PDZD2: variants seen among roughly 807,000 people sequenced by gnomAD.
PDZD2 encodes PDZ domain containing 2.
In PDZD2, 90 loss-of-function variants were observed where a neutral mutation model predicts 220.7. The ratio of observed to expected loss-of-function variants is 0.41; its 90% CI spans 0.34 to 0.49. The LOEUF is 0.49. PDZD2 is among the 20% of genes least tolerant of loss of function. The pLI, the probability that PDZD2 is intolerant of heterozygous loss-of-function variation, is 0.28. For missense variants in PDZD2, 3,174 were observed against 3,608.5 expected (o/e 0.88, Z 3.08); for synonymous variants, 1,375 against 1,450.5 (o/e 0.95, Z 1.18).
intron 7 of PDZD2, among the ~76,000 whole-genome samples, chr5:32,047,778 A>G (rs1738121527): frequency 6.6e-6 from 1 of 152,238 alleles, no homozygotes; most frequent in Admixed American, 6.5e-5. Context: ...TAGACAACGG[A>G]ATAGCCTACA....
At chr5:31,915,881 G>A (rs937528340) in intron 2 of PDZD2, among the ~76,000 whole-genome samples, 2 of 152,126 alleles carry the variant, frequency 1.3e-5, no homozygotes, top group East Asian at 1.9e-4. Flanking sequence ...GCTTTGTTCC[G>A]AAATCTTTTA....
Position 32,089,867 on chromosome 5 carries a change from C to A in PDZD2, c.6419C>A (p.Ser2140Tyr). 2 of 1,613,194 alleles carry A rather than the reference C, an allele frequency of 1.2e-6. No individual in the cohort carries two copies. Among genetic ancestry groups the A allele is most frequent in the Non-Finnish European group, 1.7e-6 (2 of 1,179,366 alleles). The change falls in exon 20 of 25, where the codon TCC (serine) becomes TAC (tyrosine). Residue 2140 changes from serine (S) to tyrosine (Y), a missense_variant. By Grantham distance (144) the Ser-to-Tyr change is moderately radical. Around this residue, in one of 4 missense-constraint regions of PDZD2, gnomAD observed 1,861 missense variants for 2,001.0 expected, o/e 0.93. Transcript: ENST00000438447. Reference protein sequence around the residue: ...IRLYRQVAESSTSHPSSLPSH... With the variant: ...IRLYRQVAESYTSHPSSLPSH... ...CTCTATCGCCAGGTCGCAGAATCATCCACAAGTCATCCATCCTCACTCCCA... is the reference window on the plus strand; with the variant it reads ...CTCTATCGCCAGGTCGCAGAATCATACACAAGTCATCCATCCTCACTCCCA...
chr5:32,082,941 T>G lies in PDZD2; in HGVS notation c.3683-4190T>G, dbSNP rs974578904. The stretch of plus-strand genomic sequence containing the variant: ...GTTGGAAAAGCTGTCAAAGCTGTTG[T>G]GAGAAACTGAAGCAGTGTGGGGAAT... On this transcript the variant is annotated intron_variant, in intron 19 of 24. Coordinates refer to ENST00000438447, the MANE Select transcript of PDZD2 (RefSeq NM_178140.4). Among the ~76,000 whole-genome samples, 213 of 152,286 alleles carry G rather than the reference T, an allele frequency of 1.4e-3. 2 individuals carry two copies. Among genetic ancestry groups the G allele is most frequent in the African/African-American group, 4.8e-3 (201 of 41,566 alleles).
chr5:31,847,236 G>A (rs1432005248), intron 2 of PDZD2: 2 of 232,334 alleles, frequency 8.6e-6, no homozygotes, highest in Non-Finnish European at 1.7e-5. Flanking sequence ...CCAGAGGTCT[G>A]TGCTGAGCTG....
chr5:31,860,173 C>T (rs894768777), intron 2 of PDZD2, among the ~76,000 whole-genome samples: 16 of 151,976 alleles, frequency 1.1e-4, no homozygotes, highest in East Asian at 1.9e-4. Context: ...CCTGTTTTTT[C>T]GCCCCTGCCT....
At chr5:32,003,338 ACCACACACACAC>A (rs550547966) in intron 5 of PDZD2, among the ~76,000 whole-genome samples, 1,416 of 44,210 alleles carry the variant, frequency 0.032, 164 homozygotes, top group African/African-American at 0.13. Context: ...CCCCCACCAC[ACCACACACACAC>A]CACACACCAC....
chr5:31,777,539 T>C (rs1313170401), intron 1 of PDZD2, among the ~76,000 whole-genome samples: 2 of 152,260 alleles, frequency 1.3e-5, no homozygotes, highest in Non-Finnish European at 2.9e-5. Context: ...TCTGCCCTTA[T>C]GGCCCCCACG....
chr5:31,823,207 C>T (rs1580828123), intron 2 of PDZD2: 2 of 361,148 alleles, frequency 5.5e-6, no homozygotes, highest in East Asian at 1.5e-4. Flanking sequence ...TGGCTCACGC[C>T]TGTAATCCCA....
At position 31,983,335 on chromosome 5, in the gene PDZD2, T is replaced by C. The variant is rs377622759; in HGVS notation, c.657T>C (p.Phe219=). 1 of 1,614,210 alleles carries C rather than the reference T, an allele frequency of 6.2e-7. No homozygotes were observed. Among genetic ancestry groups the C allele is most frequent in the Non-Finnish European group, 8.5e-7 (1 of 1,180,050 alleles). Residue 219 remains phenylalanine (F), a synonymous_variant, in exon 3 of 25, where the codon TTT becomes TTC. Transcript: ENST00000438447. ...TAKKGKRTRK[F]GVISRPPANK... ...AAAAGGGGAAACGAACCAGAAAGTT[T>C]GGGGTCATCTCCAGGCCTCCTGCCA...
chr5:31,764,392 G>T (rs1751860348), intron 1 of PDZD2, among the ~76,000 whole-genome samples: 1 of 152,030 alleles, frequency 6.6e-6, no homozygotes, highest in Admixed American at 6.6e-5. Context: ...ACCCTTAGAG[G>T]ATTTGCCTCT....
chr5:31,946,310 C>A (rs549950653), intron 2 of PDZD2, among the ~76,000 whole-genome samples: 2 of 152,304 alleles, frequency 1.3e-5, no homozygotes, highest in South Asian at 4.2e-4. Context: ...GCCAAACATG[C>A]TATTTTATAC....
At chr5:31,803,261 C>CTTTTTTT (rs759569783) in intron 2 of PDZD2, among the ~76,000 whole-genome samples, 37 of 92,248 alleles carry the variant, frequency 4.0e-4, no homozygotes, top group African/African-American at 6.0e-4. Flanking sequence ...CTGCATCTGG[C>CTTTTTTT]TTTTTTTTTT....
chr5:32,091,054 G>A lies in PDZD2; in HGVS notation c.7606G>A (p.Gly2536Arg), dbSNP rs540576232. Reference sequence around the variant, plus strand: ...AGGCGTTTCGTGTCCCGAGAAGGGCGGGAACAGGGCCTGTCCAGGAGGAAG... The same window carrying A: ...AGGCGTTTCGTGTCCCGAGAAGGGCAGGAACAGGGCCTGTCCAGGAGGAAG... The part of the protein sequence containing the change: ...AGGVSCPEKG[G>R]NRACPGGSGP... The change falls in exon 20 of 25, where the codon GGG becomes AGG. Residue 2536 changes from glycine (G) to arginine (R), a missense_variant. Gly to Arg is a moderately radical substitution (Grantham distance 125, BLOSUM62 -2). Transcript: ENST00000438447. 4.2e-5 allele frequency: 67 copies of A among 1,613,808 alleles called. No individual in the cohort carries two copies. The highest frequency in any genetic ancestry group is 3.0e-4 in the Admixed American group (18 of 60,014).
chr5:31,771,871 A>G (rs1752357371), intron 1 of PDZD2, among the ~76,000 whole-genome samples: 1 of 151,952 alleles, frequency 6.6e-6, no homozygotes, highest in Non-Finnish European at 1.5e-5. Context: ...CAATTTTTTT[A>G]ACCTATTAAA....
At chr5:31,856,350 G>A (rs1186666261) in intron 2 of PDZD2, among the ~76,000 whole-genome samples, 1 of 152,122 alleles carries the variant, frequency 6.6e-6, no homozygotes, top group Admixed American at 6.6e-5. Context: ...CAGACAGGAT[G>A]GCCTCTGGGG....
chr5:32,003,864 A>G (rs1203102244), intron 5 of PDZD2, among the ~76,000 whole-genome samples: 2 of 152,048 alleles, frequency 1.3e-5, no homozygotes, highest in African/African-American at 4.8e-5. Context: ...GGTGCCCACC[A>G]CCACGTCTGG....
chr5:32,077,833 T>C (rs1474128228), intron 19 of PDZD2: 1 of 429,726 alleles, frequency 2.3e-6, no homozygotes, highest in Non-Finnish European at 4.4e-6. Context: ...GGTGCGCACC[T>C]TTAATCCCAG....
chr5:31,856,919 T>C (rs982296261), intron 2 of PDZD2, among the ~76,000 whole-genome samples: 15 of 136,978 alleles, frequency 1.1e-4, no homozygotes, highest in African/African-American at 5.1e-5. Context: ...TATATATATA[T>C]ATATATATAT....
intron 1 of PDZD2, among the ~76,000 whole-genome samples, chr5:31,714,703 A>C (rs1358536810): frequency 6.6e-6 from 1 of 152,204 alleles, no homozygotes; most frequent in Non-Finnish European, 1.5e-5. Context: ...GGGCATATAA[A>C]GTCCCTAGAG....
Sources: allele counts gnomAD v4.1 joint callset (sites outside exome capture counted in the v4.1 genomes callset), GRCh38; gene constraint gnomAD v4.1.1; regional missense constraint gnomAD v4.1.1; transcripts MANE v1.5; gene names NCBI Gene and HGNC (gene_info 2026-07-23, HGNC 2026-07-21).